CELF2: variants seen among roughly 807,000 people sequenced by gnomAD.
CELF2 encodes the protein CUGBP Elav-like family member 2, also known as CUG triplet repeat RNA-binding protein 2.
A neutral mutation model predicts 62.6 loss-of-function variants in CELF2; 8 were observed. The ratio of observed to expected loss-of-function variants is 0.13; its 90% CI spans 0.07 to 0.23. The LOEUF is 0.23. Among genes scored for constraint, CELF2 ranks in the 10% least tolerant of loss-of-function variants. The pLI is 1.00. For synonymous variants in CELF2, 258 were observed against 250.0 expected, an observed-to-expected ratio of 1.03 and a Z score of -0.30; for missense variants, 333 against 671.0, an observed-to-expected ratio of 0.50 and a Z score of 5.56.
At chr10:10,605,966 G>A in the CELF2 span, among the ~76,000 whole-genome samples, 1 of 152,178 alleles carries the variant, frequency 6.6e-6, no homozygotes, top group Non-Finnish European at 1.5e-5. Context: ...TATGCTGAAT[G>A]TTCTGCCAAC....
chr10:10,869,853 T>C (rs538376473), intron 1 of CELF2, among the ~76,000 whole-genome samples: 1 of 152,140 alleles, frequency 6.6e-6, no homozygotes, highest in Non-Finnish European at 1.5e-5. Flanking sequence ...CGGTGACATG[T>C]TTCTTTGGTC....
chr10:11,254,920 C>T (rs1179095833), intron 4 of CELF2, among the ~76,000 whole-genome samples: 3 of 152,212 alleles, frequency 2.0e-5, no homozygotes, highest in Non-Finnish European at 2.9e-5. Flanking sequence ...CATCTCTCCC[C>T]TTCCTATTCC....
At chr10:11,099,053 C>T (rs2142370831) in intron 1 of CELF2, among the ~76,000 whole-genome samples, 1 of 152,326 alleles carries the variant, frequency 6.6e-6, no homozygotes, top group African/African-American at 2.4e-5. Flanking sequence ...GTCCTGGGGG[C>T]CATGAGACAA....
At chr10:10,468,215 A>G in the CELF2 span, among the ~76,000 whole-genome samples, 8 of 151,952 alleles carry the variant, frequency 5.3e-5, no homozygotes, top group East Asian at 1.5e-3. Context: ...TTCTCTAAAC[A>G]CTCTTATACA....
intron 1 of CELF2, among the ~76,000 whole-genome samples, chr10:11,026,417 C>T (rs80348185): frequency 1.3e-5 from 2 of 152,150 alleles, no homozygotes; most frequent in African/African-American, 4.8e-5. Flanking sequence ...CTTTGGAACT[C>T]GGGGGGAAGA....
chr10:11,242,411 C>T lies in CELF2; in HGVS notation c.355-6742C>T, dbSNP rs944222526. ...TCTCCAGACTAGGCCTGTGTTGGCT[C>T]GGAACCCTCCCTTCCTACAGCAGAG... On this transcript the variant is annotated intron_variant, in intron 3 of 12. Coordinates refer to ENST00000633077, the MANE Select transcript of CELF2 (RefSeq NM_001326342.2). This position sits in a 1 kb window ranked among gnomAD's most constrained non-coding sequence, Gnocchi z 4.8. 2.0e-5 allele frequency among the ~76,000 whole-genome samples: 3 copies of T among 151,986 alleles called. No homozygotes were observed. Among genetic ancestry groups the T allele is most frequent in the Admixed American group, 6.6e-5 (1 of 15,260 alleles).
chr10:11,052,994 G>GT (rs962861534), intron 1 of CELF2, among the ~76,000 whole-genome samples: 63 of 149,878 alleles, frequency 4.2e-4, no homozygotes, highest in Middle Eastern at 3.5e-3. Flanking sequence ...TACAGCCTGA[G>GT]TTTTTTTTTT....
At chr10:10,718,994 T>C in the CELF2 span, among the ~76,000 whole-genome samples, 2 of 149,010 alleles carry the variant, frequency 1.3e-5, no homozygotes, top group African/African-American at 2.5e-5. Context: ...TCTTTTTTTT[T>C]TTTTTTTTTT....
intron 1 of CELF2, among the ~76,000 whole-genome samples, chr10:11,077,502 G>A (rs921532175): frequency 2.0e-5 from 3 of 152,164 alleles, no homozygotes; most frequent in African/African-American, 4.8e-5. Flanking sequence ...ATTTGTTGGC[G>A]TTCGAAACTT....
At chr10:10,657,642 A>G in the CELF2 span, among the ~76,000 whole-genome samples, 1 of 152,200 alleles carries the variant, frequency 6.6e-6, no homozygotes, top group Admixed American at 6.5e-5. Context: ...AAGTTTAAGT[A>G]TATACCAAAC....
chr10:10,673,204 T>G, the CELF2 span, among the ~76,000 whole-genome samples: 47 of 152,272 alleles, frequency 3.1e-4, no homozygotes, highest in African/African-American at 1.1e-3. Flanking sequence ...TTTTTCAGAT[T>G]TTCTACGTAG....
At chr10:11,299,612 A>C (rs948839311) in intron 9 of CELF2, among the ~76,000 whole-genome samples, 2 of 152,076 alleles carry the variant, frequency 1.3e-5, no homozygotes, top group African/African-American at 2.4e-5. Flanking sequence ...TATGTATCCA[A>C]CTGCCTCTTT....
the CELF2 span, among the ~76,000 whole-genome samples, chr10:10,561,912 A>G: frequency 2.6e-5 from 4 of 152,188 alleles, no homozygotes; most frequent in African/African-American, 9.6e-5. Flanking sequence ...GTGCAGGTTC[A>G]GCCCCCCTGC....
chr10:11,062,607 G>T (rs1462056217), intron 1 of CELF2, among the ~76,000 whole-genome samples: 2 of 152,182 alleles, frequency 1.3e-5, no homozygotes, highest in Non-Finnish European at 2.9e-5. Flanking sequence ...GTGGAGATGG[G>T]ACTGAATTGC....
chr10:11,036,617 G>C (rs924372979), intron 1 of CELF2, among the ~76,000 whole-genome samples: 38 of 152,272 alleles, frequency 2.5e-4, no homozygotes, highest in African/African-American at 8.7e-4. Flanking sequence ...ACTTGGCTCT[G>C]GGTTGCCACC....
chr10:10,780,426 A>T, the CELF2 span, among the ~76,000 whole-genome samples: 3 of 152,068 alleles, frequency 2.0e-5, no homozygotes, highest in East Asian at 5.8e-4. Context: ...TTTCCATCCT[A>T]ATCTGTGACA....
chr10:10,677,516 C>G, the CELF2 span, among the ~76,000 whole-genome samples: 2 of 152,140 alleles, frequency 1.3e-5, no homozygotes, highest in Non-Finnish European at 2.9e-5. Context: ...TCCCTGGGGC[C>G]CCAATACTGA....
chr10:10,854,276 G>A (rs1054918411), intron 1 of CELF2, among the ~76,000 whole-genome samples: 1 of 152,180 alleles, frequency 6.6e-6, no homozygotes, highest in Non-Finnish European at 1.5e-5. Flanking sequence ...GGAACAATTT[G>A]GGGGAAGGGT....
the CELF2 span, among the ~76,000 whole-genome samples, chr10:10,621,430 C>G: frequency 6.6e-6 from 1 of 152,030 alleles, no homozygotes; most frequent in Non-Finnish European, 1.5e-5. Context: ...AGTTTTACAT[C>G]CAGAACAAAG....
Sources: gnomAD v4.1 joint callset for allele counts (sites outside exome capture counted in the v4.1 genomes callset) on GRCh38, gnomAD v4.1.1 for gene constraint, Gnocchi (gnomAD v3.1) non-coding constraint, MANE v1.5 for transcripts, NCBI Gene and HGNC (gene_info 2026-07-23, HGNC 2026-07-21) for gene names.